Variants in GPC4 observed in about 807,000 individuals in gnomAD.
GPC4 encodes the protein glypican 4.
Under a neutral mutation model 35.0 loss-of-function variants are expected in GPC4, and 10 were observed. The ratio of observed to expected loss-of-function variants is 0.29; its 90% CI spans 0.18 to 0.48. The LOEUF (loss-of-function observed/expected upper bound fraction) is 0.48, where lower values mean the gene tolerates loss of function less well. Among genes scored for constraint, GPC4 ranks in the 20% least tolerant of loss-of-function variants. GPC4 has a pLI of 0.99. For missense variants in GPC4, 322 were observed against 451.3 expected (o/e 0.71, Z 2.60); for synonymous variants, 167 against 170.2 (o/e 0.98, Z 0.15).
chrX:133,327,236 A>G (rs1268910502), intron 2 of GPC4, among the ~76,000 whole-genome samples: 1 of 112,063 alleles, frequency 8.9e-6, no homozygotes, highest in African/African-American at 3.2e-5. Context: ...AGACTCATTT[A>G]GTAAGTAATT....
intron 1 of GPC4, among the ~76,000 whole-genome samples, chrX:133,383,554 C>T (rs929782278): frequency 9.0e-6 from 1 of 111,335 alleles, no homozygotes; most frequent in African/African-American, 3.3e-5. Context: ...CAAGAGTGAA[C>T]CCTACTGTTG....
At chrX:133,333,098 G>A (rs2068428249) in intron 2 of GPC4, among the ~76,000 whole-genome samples, 1 of 112,247 alleles carries the variant, frequency 8.9e-6, no homozygotes, top group African/African-American at 3.2e-5. Flanking sequence ...CCTGCACAGG[G>A]AATTCTCTCA....
chrX:133,331,448 T>C (rs999079543), intron 2 of GPC4, among the ~76,000 whole-genome samples: 11 of 111,726 alleles, frequency 9.8e-5, no homozygotes, highest in Non-Finnish European at 2.1e-4. Context: ...CATCTCATAA[T>C]AGAGTCTATC....
intron 3 of GPC4, among the ~76,000 whole-genome samples, chrX:133,322,477 C>G (rs964904026): frequency 1.9e-5 from 2 of 105,018 alleles, no homozygotes; most frequent in Non-Finnish European, 3.9e-5. Context: ...CTGTTGTCGT[C>G]TGAGCCTGGG....
At chrX:133,394,982 A>C (rs1486166756) in intron 1 of GPC4, among the ~76,000 whole-genome samples, 3 of 111,808 alleles carry the variant, frequency 2.7e-5, no homozygotes, top group Non-Finnish European at 5.6e-5. Context: ...ACCTTGCCTG[A>C]AGAGCTCTCA....
At chrX:133,384,761 C>A (rs1402479132) in intron 1 of GPC4, among the ~76,000 whole-genome samples, 1 of 111,980 alleles carries the variant, frequency 8.9e-6, no homozygotes, top group Non-Finnish European at 1.9e-5. Context: ...TTCCCTTACG[C>A]CTCCTGCAAA....
At chrX:133,402,608 A>G (rs756858988) in intron 1 of GPC4, among the ~76,000 whole-genome samples, 30 of 112,268 alleles carry the variant, frequency 2.7e-4, no homozygotes, top group Non-Finnish European at 4.7e-4. Flanking sequence ...AGCCTCTTCT[A>G]AAAGCACCTC....
In GPC4 at chrX:133,413,556, C is replaced by T. The variant is rs184418163; in HGVS notation, c.160+1250G>A. Among the ~76,000 whole-genome samples the T allele has an allele frequency of 5.4e-5, 6 of 111,482 alleles. 1 individual carries two copies. The Admixed American group carries it at 5.7e-4, about 11-fold the overall frequency. ...GCTGGCTGCCGGCCCCCTGCCCGCC[C>T]CACCCGGAGACCAGCACGGCAAGGC... On this transcript the variant is annotated intron_variant, in intron 1 of 8. Coordinates refer to ENST00000370828, the MANE Select transcript of GPC4 (RefSeq NM_001448.3).
At chrX:133,366,628 A>G (rs1226829231) in intron 1 of GPC4, among the ~76,000 whole-genome samples, 1 of 111,612 alleles carries the variant, frequency 9.0e-6, no homozygotes, top group Non-Finnish European at 1.9e-5. Flanking sequence ...GGGTAGAAGT[A>G]AGTGATATTC....
rs1277189182 is a variant in GPC4, at chrX:133,411,901, T to C, written c.160+2905A>G. On this transcript the variant is annotated intron_variant, in intron 1 of 8. Transcript: ENST00000370828. ...CAGCATGATGTACTCCCTGACACCCTTGAGAGCACATCAGATGATCCTAAC... is the reference window on the plus strand; with the variant it reads ...CAGCATGATGTACTCCCTGACACCCCTGAGAGCACATCAGATGATCCTAAC... 6.3e-5 allele frequency among the ~76,000 whole-genome samples: 7 copies of C among 111,558 alleles called. No homozygotes were observed. In the East Asian group the frequency reaches 2.0e-3, roughly 31 times the overall value.
At chrX:133,412,433 G>A (rs1347190499) in intron 1 of GPC4, among the ~76,000 whole-genome samples, 1 of 111,682 alleles carries the variant, frequency 9.0e-6, no homozygotes, top group Non-Finnish European at 1.9e-5. Flanking sequence ...TGTTATTGTT[G>A]AAAGTGGTGC....
chrX:133,406,471 C>T (rs772502658), intron 1 of GPC4, among the ~76,000 whole-genome samples: 3 of 112,153 alleles, frequency 2.7e-5, no homozygotes, highest in African/African-American at 6.5e-5. Flanking sequence ...GGACCTAGGC[C>T]AGGCATGCTG....
Position 133,412,426 on chromosome X carries a change from T to C in GPC4, c.160+2380A>G, listed in dbSNP as rs1288134086. 4.5e-5 allele frequency among the ~76,000 whole-genome samples: 5 copies of C among 111,775 alleles called. No homozygotes were observed. In the Admixed American group the frequency reaches 4.8e-4, roughly 11 times the overall value. The stretch of plus-strand genomic sequence containing the variant: ...GAGCCATTCAGTCATGCATTTTTGT[T>C]ATTGTTGAAAGTGGTGCGAAATTGC... On this transcript the variant is annotated intron_variant, in intron 1 of 8. Coordinates refer to ENST00000370828, the MANE Select transcript of GPC4 (RefSeq NM_001448.3).
intron 1 of GPC4, among the ~76,000 whole-genome samples, chrX:133,404,702 C>G (rs746756718): frequency 9.2e-6 from 1 of 109,003 alleles, no homozygotes; most frequent in Admixed American, 9.8e-5. Context: ...TAAAAATATA[C>G]AAATTAGCTG....
intron 1 of GPC4, among the ~76,000 whole-genome samples, chrX:133,344,261 T>C (rs1363265897): frequency 2.5e-5 from 2 of 79,670 alleles, no homozygotes; most frequent in African/African-American, 5.0e-5. Context: ...GTTTCGCTCC[T>C]GTTGCCCAGG....
At chrX:133,413,743 C>T (rs868674412) in intron 1 of GPC4, among the ~76,000 whole-genome samples, 1 of 112,141 alleles carries the variant, frequency 8.9e-6, no homozygotes, top group Non-Finnish European at 1.9e-5. Flanking sequence ...CCTGCGCGGC[C>T]GGCGGGGCTG....
At chrX:133,406,097 AG>A (rs1266325066) in intron 1 of GPC4, among the ~76,000 whole-genome samples, 1 of 112,540 alleles carries the variant, frequency 8.9e-6, no homozygotes, top group Non-Finnish European at 1.9e-5. Flanking sequence ...CATTAAAGTA[AG>A]GGATAAAGAG....
intron 3 of GPC4, 75 bp from the exon 4 acceptor site, chrX:133,311,498 C>T: frequency 1.0e-6 from 1 of 960,994 alleles, no homozygotes; most frequent in Non-Finnish European, 1.5e-6. Context: ...ATCACATTGA[C>T]ACTGAAGGCT....
At chrX:133,397,510 T>C (rs2124178463) in intron 1 of GPC4, among the ~76,000 whole-genome samples, 1 of 109,057 alleles carries the variant, frequency 9.2e-6, no homozygotes, top group African/African-American at 3.3e-5. Context: ...TGAGCCGTGA[T>C]CACACCACTG....
Sources: allele counts gnomAD v4.1 joint callset (sites outside exome capture counted in the v4.1 genomes callset), GRCh38; gene constraint gnomAD v4.1.1; transcripts MANE v1.5; gene names NCBI Gene and HGNC (gene_info 2026-07-23, HGNC 2026-07-21).